RAP1GAP2: variants seen among roughly 807,000 people sequenced by gnomAD.
RAP1GAP2 encodes the protein rap1 GTPase-activating protein 2.
Under a neutral mutation model 95.0 loss-of-function variants are expected in RAP1GAP2, and 27 were observed. The ratio of observed to expected loss-of-function variants is 0.28; its 90% CI spans 0.21 to 0.39. The LOEUF (loss-of-function observed/expected upper bound fraction) is 0.39, where lower values mean the gene tolerates loss of function less well. Among genes scored for constraint, RAP1GAP2 ranks in the 10% least tolerant of loss-of-function variants. The pLI, the probability that RAP1GAP2 is intolerant of heterozygous loss-of-function variation, is 1.00. For synonymous variants in RAP1GAP2, 373 were observed against 380.9 expected (o/e 0.98, Z 0.24); for missense variants, 771 against 970.0 (o/e 0.79, Z 2.72).
At chr17:2,782,871 C>G (rs2068690146) in intron 1 of RAP1GAP2, among the ~76,000 whole-genome samples, 1 of 152,022 alleles carries the variant, frequency 6.6e-6, no homozygotes, top group South Asian at 2.1e-4. Context: ...CAAAAAATTA[C>G]CCGGGTGTGG....
intron 2 of RAP1GAP2, among the ~76,000 whole-genome samples, chr17:2,828,548 C>A (rs1304428866): frequency 6.6e-6 from 1 of 152,004 alleles, no homozygotes; most frequent in East Asian, 1.9e-4. Context: ...AGGAAGGAGG[C>A]CCCTGAAGAG....
In RAP1GAP2 at chr17:2,817,997, T is replaced by C. The variant is rs531412810; in HGVS notation, c.80+17447T>C. The stretch of plus-strand genomic sequence containing the variant: ...GACTACAGGTGCCCACGACCACGCC[T>C]GGCTAATTTTTTGTATTTTTAACAG... On this transcript the variant is annotated intron_variant, in intron 2 of 24. Transcript: ENST00000254695. Among the ~76,000 whole-genome samples the C allele has an allele frequency of 4.6e-5, 7 of 151,308 alleles. No homozygotes were observed. In the East Asian group the frequency reaches 1.4e-3, roughly 30 times the overall value.
chr17:3,008,218 A>G lies in RAP1GAP2; in HGVS notation c.1494+73A>G. 2.5e-6 allele frequency: 4 copies of G among 1,590,110 alleles called. No individual in the cohort carries two copies. The highest frequency in any genetic ancestry group is 3.4e-6 in the Non-Finnish European group (4 of 1,165,450). On this transcript the variant is annotated intron_variant, in intron 17 of 24. Coordinates refer to ENST00000254695, the MANE Select transcript of RAP1GAP2 (RefSeq NM_015085.5). The surrounding 1 kb of genome is among the most constrained non-coding windows in gnomAD (Gnocchi z 4.2). ...GAAGAAAGGAAGTGGTCCAAGGTCCATGGGATACTGATCCCAGAGCCCAAG... is the reference window on the plus strand; with the variant it reads ...GAAGAAAGGAAGTGGTCCAAGGTCCGTGGGATACTGATCCCAGAGCCCAAG...
intron 17 of RAP1GAP2, 127 bp from the exon 18 acceptor site, chr17:3,017,934 T>TGG: frequency 1.2e-6 from 1 of 802,624 alleles, no homozygotes; most frequent in Non-Finnish European, 1.9e-6. Context: ...TGTGTGTGTG[T>TGG]GTGTGTGTGT....
At chr17:2,935,442 G>T (rs2043275172) in intron 3 of RAP1GAP2, among the ~76,000 whole-genome samples, 1 of 152,150 alleles carries the variant, frequency 6.6e-6, no homozygotes, top group Admixed American at 6.5e-5. Context: ...GGTAGGCGGA[G>T]GTTGCAGTGA....
chr17:2,905,997 G>A (rs1462265231), intron 3 of RAP1GAP2, among the ~76,000 whole-genome samples: 6 of 152,156 alleles, frequency 3.9e-5, no homozygotes, highest in Non-Finnish European at 8.8e-5. Context: ...CCGACGCCTC[G>A]GCAGGATGGC....
rs1240802172 is a variant in RAP1GAP2 at position 3,035,431 on chromosome 17, C to T, written c.*2070C>T. On this transcript the variant is annotated 3_prime_UTR_variant, in exon 25 of 25. Coordinates refer to ENST00000254695, the MANE Select transcript of RAP1GAP2 (RefSeq NM_015085.5). The surrounding 1 kb of genome is among the most constrained non-coding windows in gnomAD (Gnocchi z 4.3). ...GTTTCCAGGTTGTCACCATGCTGTCCCATTTGGGAATCCCATACCTGCCTG... is the reference window on the plus strand; with the variant it reads ...GTTTCCAGGTTGTCACCATGCTGTCTCATTTGGGAATCCCATACCTGCCTG... 6.6e-6 allele frequency: 1 copy of T among 152,322 alleles called. No homozygotes were observed. Among genetic ancestry groups the T allele is most frequent in the Non-Finnish European group, 1.5e-5 (1 of 68,186 alleles). The allele number at this position is 152,322 out of a possible 1,614,324, so 9.4% of individuals were successfully genotyped here.
rs71150898 is a variant in RAP1GAP2, at chr17:2,801,597, ATGTGTGTGTGTGTGTGTGTG to A, written c.80+1080_80+1099del. On this transcript the variant is annotated intron_variant, in intron 2 of 24. Coordinates refer to ENST00000254695, the MANE Select transcript of RAP1GAP2 (RefSeq NM_015085.5). ...AGGACCTGACTAAACACTCCAGGGT[ATGTGTGTGTGTGTGTGTGTG>A]TGTGTGTGTGTGTGTGTGTGTGTGT... is the stretch of plus-strand genomic sequence containing the variant. Among the ~76,000 whole-genome samples, 371 of 121,956 alleles carry A rather than the reference ATGTGTGTGTGTGTGTGTGTG, an allele frequency of 3.0e-3. 4 individuals are homozygous for A. The highest frequency in any genetic ancestry group is 1.6e-3 in the South Asian group (6 of 3,680). 80.0% of individuals were successfully genotyped at this position (121,956 alleles called of 152,430 possible). A position where few individuals can be genotyped will look rare whatever the true frequency, so the allele number is the denominator to read the frequency against.
At chr17:2,931,199 G>A (rs1453019865) in intron 3 of RAP1GAP2, among the ~76,000 whole-genome samples, 1 of 151,736 alleles carries the variant, frequency 6.6e-6, no homozygotes, top group African/African-American at 2.4e-5. Flanking sequence ...GGTGTGTGCA[G>A]CTGGGTCATG....
At chr17:2,835,292 T>C (rs1293403359) in intron 2 of RAP1GAP2, among the ~76,000 whole-genome samples, 2 of 152,240 alleles carry the variant, frequency 1.3e-5, no homozygotes, top group African/African-American at 2.4e-5. Context: ...CGATCTTGGC[T>C]CACTGCAAAC....
chr17:2,874,206 T>C (rs1169800345), intron 2 of RAP1GAP2, among the ~76,000 whole-genome samples: 1 of 152,206 alleles, frequency 6.6e-6, no homozygotes, highest in African/African-American at 2.4e-5. Context: ...GGCATAAGAT[T>C]GAGCTCTGTG....
At chr17:2,868,370 AC>A (rs2072702452) in intron 2 of RAP1GAP2, among the ~76,000 whole-genome samples, 1 of 152,034 alleles carries the variant, frequency 6.6e-6, no homozygotes, top group African/African-American at 2.4e-5. Flanking sequence ...CTCAGGAAAA[AC>A]CCAGGGGGAT....
At chr17:2,847,844 G>A (rs1030312932) in intron 2 of RAP1GAP2, among the ~76,000 whole-genome samples, 8 of 152,054 alleles carry the variant, frequency 5.3e-5, no homozygotes, top group African/African-American at 9.7e-5. Flanking sequence ...ACTCCTGGGC[G>A]GCCTCTATGC....
intron 2 of RAP1GAP2, among the ~76,000 whole-genome samples, chr17:2,823,126 G>A (rs544318060): frequency 2.6e-4 from 39 of 151,682 alleles, no homozygotes; most frequent in Non-Finnish European, 4.4e-4. Flanking sequence ...TGGGGATGGC[G>A]GGTGGCATGG....
intron 2 of RAP1GAP2, among the ~76,000 whole-genome samples, chr17:2,822,718 A>C (rs1597375428): frequency 8.4e-6 from 1 of 118,754 alleles, no homozygotes. Context: ...TTTTTTTTTT[A>C]ATTATACTTT....
chr17:2,914,657 A>T lies in RAP1GAP2; in HGVS notation c.165+9289A>T, dbSNP rs556378860. Among the ~76,000 whole-genome samples the T allele has an allele frequency of 2.2e-3, 330 of 150,398 alleles. 1 individual carries two copies. The highest frequency in any genetic ancestry group is 7.7e-3 in the African/African-American group (314 of 40,846). On this transcript the variant is annotated intron_variant, in intron 3 of 24. Coordinates refer to ENST00000254695, the MANE Select transcript of RAP1GAP2 (RefSeq NM_015085.5). ...AGGCGCCCGCCACCACGCCCGGCAA[A>T]TTTTTTGTATTTTTAGTAGAGACGG...
intron 2 of RAP1GAP2, among the ~76,000 whole-genome samples, chr17:2,899,424 G>A (rs899162058): frequency 2.0e-5 from 3 of 152,028 alleles, no homozygotes; most frequent in Non-Finnish European, 2.9e-5. Flanking sequence ...TGTTAGCCAG[G>A]ATGGTCTCGA....
Position 2,787,495 on chromosome 17 carries a change from A to G in RAP1GAP2, c.-14+10217A>G, listed in dbSNP as rs187677253. ...GGTCACAAACTCCTGGGCTCAAGCA[A>G]TCCCCCTGCCTTGGCCTCCCAAAGT... is the stretch of plus-strand genomic sequence containing the variant. On this transcript the variant is annotated intron_variant, in intron 1 of 24. Transcript: ENST00000540393. Among the ~76,000 whole-genome samples the G allele has an allele frequency of 2.4e-3, 359 of 152,066 alleles. 1 individual carries two copies. The highest frequency in any genetic ancestry group is 8.1e-3 in the African/African-American group (334 of 41,458).
chr17:2,897,135 G>A (rs879333489), intron 2 of RAP1GAP2, among the ~76,000 whole-genome samples: 5 of 152,124 alleles, frequency 3.3e-5, no homozygotes, highest in Non-Finnish European at 7.4e-5. Context: ...TCAGGAGTTC[G>A]AGACCAGCCT....
Sources: allele counts gnomAD v4.1 joint callset (sites outside exome capture counted in the v4.1 genomes callset), GRCh38; gene constraint gnomAD v4.1.1; non-coding constraint Gnocchi (gnomAD v3.1); transcripts MANE v1.5; gene names NCBI Gene and HGNC (gene_info 2026-07-23, HGNC 2026-07-21).